Variants in VPS13A observed in about 807,000 individuals in gnomAD.
VPS13A encodes vacuolar protein sorting 13 homolog A.
Under a neutral mutation model 390.9 loss-of-function variants are expected in VPS13A, and 264 were observed. That is an observed-to-expected ratio of 0.68 (90% CI 0.61 to 0.75). The LOEUF (loss-of-function observed/expected upper bound fraction) is 0.75, where lower values mean the gene tolerates loss of function less well. Among genes scored for constraint, VPS13A ranks in the 30% least tolerant of loss-of-function variants. The pLI is 0.00. For missense variants in VPS13A, 3,409 were observed against 3,733.9 expected, an observed-to-expected ratio of 0.91 and a Z score of 2.27; for synonymous variants, 1,231 against 1,227.1, an observed-to-expected ratio of 1.00 and a Z score of -0.07.
intron 45 of VPS13A, among the ~76,000 whole-genome samples, chr9:77,328,162 A>C (rs1830108236): frequency 1.3e-5 from 2 of 152,228 alleles, no homozygotes; most frequent in Non-Finnish European, 2.9e-5. Context: ...AAGCAACATT[A>C]AGCTCCTGTA....
intron 27 of VPS13A, among the ~76,000 whole-genome samples, chr9:77,281,236 A>G (rs76050569): frequency 0.023 from 3,474 of 152,224 alleles, 113 homozygotes; most frequent in East Asian, 0.12. Context: ...ACAGCAGGGG[A>G]ACTGTAATCA....
intron 68 of VPS13A, among the ~76,000 whole-genome samples, chr9:77,399,743 C>T (rs1834289627): frequency 6.6e-6 from 1 of 152,146 alleles, no homozygotes; most frequent in Non-Finnish European, 1.5e-5. Flanking sequence ...ACTTCTGCCT[C>T]CACCATTATG....
chr9:77,302,763 T>TAAA, intron 33 of VPS13A, 152 bp from the exon 34 acceptor site: 1 of 789,898 alleles, frequency 1.3e-6, no homozygotes, highest in Non-Finnish European at 2.0e-6. Flanking sequence ...TTTTGACAGA[T>TAAA]AAAAAAAAAG....
intron 35 of VPS13A, 111 bp downstream of exon 35, chr9:77,308,209 C>T (rs1254927816): frequency 8.5e-6 from 10 of 1,175,922 alleles, no homozygotes; most frequent in Non-Finnish European, 1.1e-5. Flanking sequence ...CCTCTTTCTC[C>T]CTCCTTTCCT....
intron 68 of VPS13A, among the ~76,000 whole-genome samples, chr9:77,388,793 T>C (rs368599408): frequency 6.6e-6 from 1 of 152,216 alleles, no homozygotes; most frequent in Non-Finnish European, 1.5e-5. Context: ...TTTTCTACTA[T>C]AAATTATCAT....
intron 3 of VPS13A, among the ~76,000 whole-genome samples, chr9:77,204,294 C>G (rs370989932): frequency 1.2e-4 from 19 of 152,160 alleles, no homozygotes; most frequent in African/African-American, 4.6e-4. Flanking sequence ...TTAAAACTCT[C>G]TATTACGAAA....
intron 7 of VPS13A, chr9:77,211,125 A>T (rs2150902): frequency 6.2e-6 from 1 of 161,572 alleles, no homozygotes; most frequent in South Asian, 1.7e-4. Context: ...GAATTTTGAA[A>T]CATATGCTTG....
At chr9:77,226,308 C>G (rs1044280211) in intron 14 of VPS13A, among the ~76,000 whole-genome samples, 158 bp from the exon 15 acceptor site, 7 of 151,882 alleles carry the variant, frequency 4.6e-5, no homozygotes, top group Non-Finnish European at 1.0e-4. Flanking sequence ...TTCTTATGTT[C>G]GACTAATGTT....
chr9:77,391,801 T>C (rs1224134597), intron 68 of VPS13A, among the ~76,000 whole-genome samples: 3 of 152,200 alleles, frequency 2.0e-5, no homozygotes, highest in Non-Finnish European at 4.4e-5. Flanking sequence ...GATATAGATA[T>C]ATAAAATTGA....
chr9:77,288,125 C>T (rs1827440833), intron 31 of VPS13A, among the ~76,000 whole-genome samples: 1 of 152,110 alleles, frequency 6.6e-6, no homozygotes, highest in Non-Finnish European at 1.5e-5. Context: ...TAAATGGAAT[C>T]ATGCAGTTAT....
chr9:77,274,499 A>G (rs17422898), intron 24 of VPS13A, among the ~76,000 whole-genome samples: 8,267 of 151,916 alleles, frequency 0.054, 333 homozygotes, highest in South Asian at 0.12. Flanking sequence ...GAGTTAAAAA[A>G]CACCACAAAA....
At chr9:77,334,458 C>G (rs145102657) in intron 46 of VPS13A, among the ~76,000 whole-genome samples, 1 of 152,004 alleles carries the variant, frequency 6.6e-6, no homozygotes, top group Non-Finnish European at 1.5e-5. Flanking sequence ...TTTCCTTTGA[C>G]GTTTTATATT....
intron 13 of VPS13A, among the ~76,000 whole-genome samples, chr9:77,221,679 A>C (rs1368661063): frequency 1.3e-5 from 2 of 152,174 alleles, no homozygotes; most frequent in East Asian, 3.8e-4. Flanking sequence ...TGTTGGTTTC[A>C]AAGCCTTTTA....
At chr9:77,384,755 A>G (rs1299175862) in intron 68 of VPS13A, 3 of 1,540,646 alleles carry the variant, frequency 1.9e-6, no homozygotes, top group Admixed American at 1.9e-5. Flanking sequence ...CATAATGCCC[A>G]TATGTCCATT....
chr9:77,400,556 G>A (rs149589823), intron 68 of VPS13A, among the ~76,000 whole-genome samples: 128 of 151,984 alleles, frequency 8.4e-4, no homozygotes, highest in African/African-American at 2.5e-3. Flanking sequence ...GGCCGGGCGC[G>A]GTGGCTCATG....
intron 67 of VPS13A, among the ~76,000 whole-genome samples, chr9:77,371,553 TAA>T (rs1403036497): frequency 6.6e-6 from 1 of 152,084 alleles, no homozygotes; most frequent in Non-Finnish European, 1.5e-5. Context: ...TGGCTGGGGA[TAA>T]AGTTTCCAAC....
At chr9:77,244,629 G>A (rs369998381) in intron 19 of VPS13A, among the ~76,000 whole-genome samples, 9 of 152,274 alleles carry the variant, frequency 5.9e-5, no homozygotes, top group East Asian at 5.8e-4. Flanking sequence ...ACTGGAACCA[G>A]GAAGCCAGCT....
intron 55 of VPS13A, 49 bp downstream of exon 55, chr9:77,356,916 A>T (rs536594303): frequency 6.2e-7 from 1 of 1,601,176 alleles, no homozygotes; most frequent in East Asian, 2.2e-5. Flanking sequence ...TGCCTGTCGT[A>T]GTTTGGTGAA....
chr9:77,193,985 C>T (rs993955848), intron 1 of VPS13A, among the ~76,000 whole-genome samples: 2 of 152,094 alleles, frequency 1.3e-5, no homozygotes, highest in South Asian at 2.1e-4. Context: ...TCTGTCTCCT[C>T]GAGGTTAAGC....
Sources: allele counts gnomAD v4.1 joint callset (sites outside exome capture counted in the v4.1 genomes callset), GRCh38; gene constraint gnomAD v4.1.1; transcripts MANE v1.5; gene names NCBI Gene and HGNC (gene_info 2026-07-23, HGNC 2026-07-21).